Variants in PROSER3 observed in about 807,000 individuals in gnomAD.
PROSER3 encodes proline and serine rich 3.
PROSER3 carries 33 observed loss-of-function variants against 50.2 expected under a neutral mutation model. The observed-to-expected ratio is 0.66, with a 90% CI of 0.50 to 0.88. PROSER3 has a LOEUF of 0.88. Among genes scored for constraint, PROSER3 ranks in the 40% least tolerant of loss-of-function variants. PROSER3 has a pLI of 0.00. For synonymous variants in PROSER3, 266 were observed against 259.3 expected (o/e 1.03, Z -0.25); for missense variants, 623 against 612.7 (o/e 1.02, Z -0.18).
chr19:35,767,925 A>C, exon 9 of PROSER3: 1 of 1,612,398 alleles, frequency 6.2e-7, no homozygotes, highest in Non-Finnish European at 8.5e-7. Context: ...CCAGCTGAGC[A>C]GGCAACCACA....
In PROSER3 at chr19:35,768,302, G is replaced by A. The variant is rs550163471; in HGVS notation, c.1301+66G>A. 195 of 1,582,048 alleles carry A rather than the reference G, an allele frequency of 1.2e-4. No homozygotes were observed. In the African/African-American group the frequency reaches 2.2e-3, roughly 18 times the overall value. On this transcript the variant is annotated intron_variant, in intron 10 of 10. Transcript: ENST00000396908. ...CCGGAGACCTCTGAGACCCGGTTAG[G>A]CATCCAGCCCTCCTCATCCCCTGTC...
exon 9 of PROSER3, chr19:35,767,969 T>A (rs777801005): frequency 1.2e-6 from 2 of 1,607,504 alleles, no homozygotes; most frequent in Middle Eastern, 1.6e-4. Context: ...CCAGGTGGGG[T>A]CTCCGGAGGC....
At chr19:35,767,482 A>G in intron 8 of PROSER3, 1 of 275,544 alleles carries the variant, frequency 3.6e-6, no homozygotes, top group Non-Finnish European at 6.7e-6. Context: ...TCGCATCCCC[A>G]GCTGTCCCCC....
At chr19:35,762,209 C>T (rs372848946) in intron 4 of PROSER3, 44 bp from the exon 5 acceptor site, 2 of 1,597,132 alleles carry the variant, frequency 1.3e-6, no homozygotes, top group African/African-American at 2.7e-5. Context: ...ATGCCCCCAG[C>T]AGCCACTCCT....
chr19:35,769,283 CT>C (rs917408413), downstream of PROSER3: 15 of 151,296 alleles, frequency 9.9e-5, no homozygotes, highest in African/African-American at 3.2e-4. Flanking sequence ...ATCTTTCCCC[CT>C]AGGCGTGCCT....
At chr19:35,763,093 A>T (rs1179403135) in intron 5 of PROSER3, 1 of 151,940 alleles carries the variant, frequency 6.6e-6, no homozygotes, top group Non-Finnish European at 1.5e-5. Context: ...GAAAAGGAGG[A>T]TTTGCTGGCT....
In PROSER3 at chr19:35,759,455, G is replaced by C; in HGVS notation, c.93G>C (p.Gln31His). The C allele has an allele frequency of 1.2e-6, 2 of 1,612,866 alleles. No individual in the cohort carries two copies. The highest frequency in any genetic ancestry group is 3.3e-5 in the Admixed American group (2 of 59,862). The change falls in exon 2 of 11, where the codon CAG becomes CAC. Residue 31 changes from glutamine (Q) to histidine (H), a missense_variant. By Grantham distance (24) the Gln-to-His change is conservative. Around this residue, in one of 3 missense-constraint regions of PROSER3, gnomAD observed 236 missense variants for 243.6 expected, o/e 0.97. Transcript: ENST00000396908. ...GCCACTACTGGCCATCCCAGAGCCAGACCTGGTGTCCCAAGGTGAGGACAC... is the reference window on the plus strand; with the variant it reads ...GCCACTACTGGCCATCCCAGAGCCACACCTGGTGTCCCAAGGTGAGGACAC...
chr19:35,765,174 C>A, exon 7 of PROSER3: 1 of 1,613,040 alleles, frequency 6.2e-7, no homozygotes, highest in Non-Finnish European at 8.5e-7. Flanking sequence ...CCCAGGGCAC[C>A]CGGTAAGGGC....
At chr19:35,764,600 G>T (rs1308186433) in intron 5 of PROSER3, among the ~76,000 whole-genome samples, 1 of 151,352 alleles carries the variant, frequency 6.6e-6, no homozygotes, top group African/African-American at 2.4e-5. Context: ...AGGTTGCTGT[G>T]AGCCGAGATC....
At chr19:35,768,272 G>GACATCCTCAGA (rs1400205077) in intron 10 of PROSER3, 36 bp downstream of exon 10, 1 of 1,595,704 alleles carries the variant, frequency 6.3e-7, no homozygotes, top group Non-Finnish European at 8.5e-7. Context: ...CTATGACACT[G>GACATCCTCAGA]GGCCCCGGAG....
exon 6 of PROSER3, chr19:35,764,915 C>A (rs1385466187): frequency 6.2e-7 from 1 of 1,613,594 alleles, no homozygotes; most frequent in East Asian, 2.2e-5. Flanking sequence ...CAGAGCAGAG[C>A]TGCCAGGCTG....
intron 6 of PROSER3, 29 bp from the exon 7 acceptor site, chr19:35,765,005 A>G (rs376211894): frequency 6.9e-5 from 111 of 1,612,500 alleles, no homozygotes; most frequent in Non-Finnish European, 8.6e-5. Flanking sequence ...CGAGACCTCC[A>G]TTGCCTCACT....
chr19:35,770,055 C>T (rs1266585094), downstream of PROSER3, among the ~76,000 whole-genome samples: 1 of 152,168 alleles, frequency 6.6e-6, no homozygotes, highest in Non-Finnish European at 1.5e-5. Flanking sequence ...CAGGCGTGTG[C>T]CACCACGCCT....
intron 7 of PROSER3, 74 bp downstream of exon 7, chr19:35,765,250 C>A: frequency 6.7e-7 from 1 of 1,500,024 alleles, no homozygotes; most frequent in Non-Finnish European, 9.0e-7. Flanking sequence ...AGCTATGGGA[C>A]TTTGGGCCTC....
At chr19:35,767,125 T>C (rs993737130) in intron 8 of PROSER3, 3 of 867,262 alleles carry the variant, frequency 3.5e-6, no homozygotes, top group Non-Finnish European at 5.1e-6. Context: ...AGCCTAACCA[T>C]GTCCCACTGT....
chr19:35,762,545 CTAA>C, intron 5 of PROSER3, 189 bp downstream of exon 5: 1 of 272,364 alleles, frequency 3.7e-6, no homozygotes, highest in Non-Finnish European at 6.2e-6. Context: ...TCTGCCTCTA[CTAA>C]AAAAAAAAAA....
exon 5 of PROSER3, chr19:35,762,327 G>A: frequency 6.2e-7 from 1 of 1,608,730 alleles, no homozygotes; most frequent in Non-Finnish European, 8.5e-7. Flanking sequence ...TGCATCCCAT[G>A]CTGTGGCTCC....
chr19:35,764,851 C>A lies in PROSER3; in HGVS notation c.544-3C>A. 1.9e-6 allele frequency: 3 copies of A among 1,612,842 alleles called. No homozygotes were observed. The highest frequency in any genetic ancestry group is 2.5e-6 in the Non-Finnish European group (3 of 1,179,430). On this transcript the variant is annotated splice_region_variant and splice_polypyrimidine_tract_variant and intron_variant, in intron 5 of 10. Transcript: ENST00000396908. ...GCTGGCGTCTGACCCTGTCACCCTG[C>A]AGAACCTCCACACATGGAACTCATC...
At chr19:35,764,013 C>G (rs933969146) in intron 5 of PROSER3, among the ~76,000 whole-genome samples, 2 of 151,778 alleles carry the variant, frequency 1.3e-5, no homozygotes, top group African/African-American at 4.8e-5. Context: ...GTCTCGAAGT[C>G]CTGGGCTCAA....
Sources: allele counts gnomAD v4.1 joint callset (sites outside exome capture counted in the v4.1 genomes callset), GRCh38; gene constraint gnomAD v4.1.1; regional missense constraint gnomAD v4.1.1; transcripts MANE v1.5; gene names NCBI Gene and HGNC (gene_info 2026-07-23, HGNC 2026-07-21).